CACNA1B: variants seen among roughly 807,000 people sequenced by gnomAD.
The protein encoded by CACNA1B is calcium voltage-gated channel subunit alpha1 B.
A neutral mutation model predicts 247.2 loss-of-function variants in CACNA1B; 70 were observed. That is an observed-to-expected ratio of 0.28 (90% CI 0.23 to 0.35). CACNA1B has a LOEUF of 0.35. Ranked by LOEUF, CACNA1B falls within the 10% of genes least tolerant of loss-of-function variation. CACNA1B has a pLI of 1.00. For synonymous variants in CACNA1B, 1,231 were observed against 1,294.4 expected (o/e 0.95, Z 1.05); for missense variants, 2,367 against 3,197.4 (o/e 0.74, Z 6.26).
intron 38 of CACNA1B, among the ~76,000 whole-genome samples, chr9:138,103,931 T>C (rs1203547081): frequency 6.6e-6 from 1 of 152,228 alleles, no homozygotes; most frequent in African/African-American, 2.4e-5. Context: ...GCCCCTGCCC[T>C]GCCCCTGCAT....
intron 3 of CACNA1B, among the ~76,000 whole-genome samples, chr9:137,886,621 G>A (rs1382212911): frequency 6.6e-6 from 1 of 151,228 alleles, no homozygotes; most frequent in African/African-American, 2.4e-5. Context: ...TCCCGGGCCT[G>A]GTCTCTTTGC....
At chr9:138,110,689 A>G (rs570379738) in intron 39 of CACNA1B, among the ~76,000 whole-genome samples, 1 of 152,326 alleles carries the variant, frequency 6.6e-6, no homozygotes, top group East Asian at 1.9e-4. Context: ...CTGTGATCAT[A>G]CTACTGCACT....
chr9:137,935,574 G>T (rs1348980391), intron 6 of CACNA1B, among the ~76,000 whole-genome samples: 1 of 152,132 alleles, frequency 6.6e-6, no homozygotes, highest in Admixed American at 6.5e-5. Flanking sequence ...ATGTGTGCAT[G>T]TGTCTTTATA....
chr9:138,041,120 A>G (rs1167464084), intron 20 of CACNA1B, among the ~76,000 whole-genome samples: 2 of 152,164 alleles, frequency 1.3e-5, no homozygotes, highest in Non-Finnish European at 2.9e-5. Flanking sequence ...GGTTTTTGTC[A>G]GAGAGGATTT....
In CACNA1B at chr9:138,023,532, G is replaced by C; in HGVS notation, c.2789G>C (p.Arg930Pro). ...GGCTCCCCGGAGGAGGCGGCCGAGC[G>C]GGAGCCCCGACGCCACCGCGCGCAC... ...RRGSPEEAAE[R>P]EPRRHRAHRH... The change falls in exon 19 of 47, where the codon CGG (arginine) becomes CCG (proline). Residue 930 changes from arginine (R) to proline (P), a missense_variant. Around this residue, in one of 12 missense-constraint regions of CACNA1B, gnomAD observed 631 missense variants for 631.1 expected, o/e 1.00. Coordinates refer to ENST00000371372, the MANE Select transcript of CACNA1B (RefSeq NM_000718.4). The C allele has an allele frequency of 9.3e-7, 1 of 1,079,736 alleles. No individual in the cohort carries two copies. Among genetic ancestry groups the C allele is most frequent in the Non-Finnish European group, 1.1e-6 (1 of 889,746 alleles). The allele number at this position is 1,079,736 out of a possible 1,614,324, so 66.9% of individuals were successfully genotyped here. A position where few individuals can be genotyped will look rare whatever the true frequency, so the allele number is the denominator to read the frequency against.
At chr9:138,053,409 G>C (rs1475241215) in intron 25 of CACNA1B, among the ~76,000 whole-genome samples, 1 of 152,184 alleles carries the variant, frequency 6.6e-6, no homozygotes, top group Non-Finnish European at 1.5e-5. Context: ...TCTGTGGTCA[G>C]GGGCCTGAGG....
chr9:137,993,620 A>C (rs1233725660), intron 15 of CACNA1B, among the ~76,000 whole-genome samples: 4 of 152,222 alleles, frequency 2.6e-5, no homozygotes, highest in African/African-American at 9.6e-5. Flanking sequence ...AATTCCTGAA[A>C]AGGTACAACC....
intron 31 of CACNA1B, among the ~76,000 whole-genome samples, chr9:138,060,453 G>T (rs554366597): frequency 6.6e-6 from 1 of 152,168 alleles, no homozygotes; most frequent in Non-Finnish European, 1.5e-5. Context: ...GAAATCCTGC[G>T]TCCCAAGCCA....
At chr9:138,111,348 A>G (rs1961622526) in intron 39 of CACNA1B, among the ~76,000 whole-genome samples, 1 of 152,240 alleles carries the variant, frequency 6.6e-6, no homozygotes, top group Admixed American at 6.5e-5. Context: ...GCGTGTGGCA[A>G]TGTGTATGAC....
In CACNA1B at chr9:138,076,827, C is replaced by T. The variant is rs545540918; in HGVS notation, c.4949+917C>T. Among the ~76,000 whole-genome samples, 13 of 152,320 alleles carry T rather than the reference C, an allele frequency of 8.5e-5. No homozygotes were observed. The South Asian group carries it at 1.2e-3, about 15-fold the overall frequency. On this transcript the variant is annotated intron_variant, in intron 35 of 46. Coordinates refer to ENST00000371372, the MANE Select transcript of CACNA1B (RefSeq NM_000718.4). ...GTACAGCCCACCCTGCCTGCAGATG[C>T]GCGCTGGGGCGAGCTCAGACCCAGA...
At chr9:137,939,404 C>T (rs941217910) in intron 6 of CACNA1B, among the ~76,000 whole-genome samples, 2 of 152,130 alleles carry the variant, frequency 1.3e-5, no homozygotes, top group Non-Finnish European at 2.9e-5. Context: ...AAGTCAACTC[C>T]AAGAAGAACC....
chr9:138,111,596 T>C lies in CACNA1B; in HGVS notation c.5429-802T>C, dbSNP rs115089721. ...ACATGGGCGTATGAATTCACCAAAG[T>C]TCATAGAGAATGAAAAAGGGTGACT... On this transcript the variant is annotated intron_variant, in intron 39 of 46. Transcript: ENST00000371372. Among the ~76,000 whole-genome samples the C allele has an allele frequency of 9.4e-3, 1,429 of 152,350 alleles. 29 individuals carry two copies. Among genetic ancestry groups the C allele is most frequent in the African/African-American group, 0.032 (1,341 of 41,576 alleles).
rs1959545997 is a variant in CACNA1B at position 138,057,293 on chromosome 9, C to G, written c.3969-439C>G. On this transcript the variant is annotated intron_variant, in intron 26 of 46. Coordinates refer to ENST00000371372, the MANE Select transcript of CACNA1B (RefSeq NM_000718.4). The surrounding 1 kb of genome is among the most constrained non-coding windows in gnomAD (Gnocchi z 4.0). ...TTCTAAATACAACTCCCTTATCAGA[C>G]AGAGGATTAGGAAATAAGTATTTTT... 6.6e-6 allele frequency among the ~76,000 whole-genome samples: 1 copy of G among 152,162 alleles called. No homozygotes were observed. The highest frequency in any genetic ancestry group is 1.5e-5 in the Non-Finnish European group (1 of 68,038).
chr9:137,975,761 C>A, intron 11 of CACNA1B, 146 bp from the exon 12 acceptor site: 1 of 671,226 alleles, frequency 1.5e-6, no homozygotes. Context: ...CTTTCCTAGG[C>A]TGAGACTTCA....
At position 138,010,164 on chromosome 9, in the gene CACNA1B, C is replaced by A; in HGVS notation, c.2160+87C>A. On this transcript the variant is annotated intron_variant, in intron 17 of 46. Coordinates refer to ENST00000371372, the MANE Select transcript of CACNA1B (RefSeq NM_000718.4). This position sits in a 1 kb window ranked among gnomAD's most constrained non-coding sequence, Gnocchi z 5.3. ...GAAGAGTCTGGGTCCTGGGTTAGGG[C>A]CTCGTGTCCAGGAGCGTTGCCTTGG... The A allele has an allele frequency of 9.2e-7, 1 of 1,087,164 alleles. No individual in the cohort carries two copies. The highest frequency in any genetic ancestry group is 1.4e-6 in the Non-Finnish European group (1 of 709,358). 67.3% of individuals were successfully genotyped at this position (1,087,164 alleles called of 1,614,324 possible).
chr9:137,995,962 A>C (rs1422241697), intron 15 of CACNA1B, among the ~76,000 whole-genome samples: 1 of 152,244 alleles, frequency 6.6e-6, no homozygotes, highest in Non-Finnish European at 1.5e-5. Flanking sequence ...ACAGTGTGAT[A>C]CCACCTCACT....
At chr9:138,027,299 G>A (rs1168266673) in intron 20 of CACNA1B, among the ~76,000 whole-genome samples, 2 of 152,044 alleles carry the variant, frequency 1.3e-5, no homozygotes, top group African/African-American at 4.8e-5. Flanking sequence ...ACTTCTACTA[G>A]AAACAGAAAT....
chr9:138,088,097 G>A (rs544306878), intron 36 of CACNA1B, among the ~76,000 whole-genome samples: 4 of 151,806 alleles, frequency 2.6e-5, no homozygotes, highest in African/African-American at 4.8e-5. Flanking sequence ...AGCCAGGTGC[G>A]GTGGCTCACA....
chr9:138,058,386 T>C lies in CACNA1B; in HGVS notation c.4308+136T>C. 1.0e-6 allele frequency: 1 copy of C among 960,688 alleles called. No homozygotes were observed. Among genetic ancestry groups the C allele is most frequent in the South Asian group, 1.5e-5 (1 of 68,512 alleles). 59.5% of individuals were successfully genotyped at this position (960,688 alleles called of 1,614,324 possible). ...TGCCAACACAGGGGCAGGTCCTCCT[T>C]TCTCCTGCAGAGGGACCGGATTTGG... is the stretch of plus-strand genomic sequence containing the variant. On this transcript the variant is annotated intron_variant, in intron 28 of 46. Transcript: ENST00000371372. This position sits in a 1 kb window ranked among gnomAD's most constrained non-coding sequence, Gnocchi z 4.7.
Sources: allele counts gnomAD v4.1 joint callset (sites outside exome capture counted in the v4.1 genomes callset), GRCh38; gene constraint gnomAD v4.1.1; regional missense constraint gnomAD v4.1.1; non-coding constraint Gnocchi (gnomAD v3.1); transcripts MANE v1.5; gene names NCBI Gene and HGNC (gene_info 2026-07-23, HGNC 2026-07-21).